The following ERMP1 variants were observed in gnomAD, a reference collection of about 807,000 sequenced individuals.
ERMP1 encodes the protein endoplasmic reticulum metallopeptidase 1, also known as Felix-ina.
ERMP1 carries 86 observed loss-of-function variants against 92.0 expected under a neutral mutation model. The ratio of observed to expected loss-of-function variants is 0.93; its 90% CI spans 0.79 to 1.12. The LOEUF is 1.12. Ranked by LOEUF, ERMP1 falls within the 50% of genes most tolerant of loss-of-function variation. ERMP1 has a pLI of 0.00. For missense variants in ERMP1, 1,342 were observed against 1,116.3 expected, an observed-to-expected ratio of 1.20 and a Z score of -2.88; for synonymous variants, 530 against 412.8, an observed-to-expected ratio of 1.28 and a Z score of -3.44.
intron 8 of ERMP1, among the ~76,000 whole-genome samples, chr9:5,809,292 T>C (rs917793626): frequency 6.6e-6 from 1 of 152,150 alleles, no homozygotes; most frequent in East Asian, 1.9e-4. Context: ...AGTGCTGGGA[T>C]TACAGGCGTG....
intron 10 of ERMP1, among the ~76,000 whole-genome samples, chr9:5,804,739 C>T (rs1377367154): frequency 2.6e-5 from 4 of 152,034 alleles, no homozygotes; most frequent in African/African-American, 4.8e-5. Context: ...ACTTGGTAAA[C>T]GCTCTACAAA....
At chr9:5,835,080 C>T (rs965011751), upstream of ERMP1, among the ~76,000 whole-genome samples, 13 of 150,786 alleles carry the variant, frequency 8.6e-5, no homozygotes, top group African/African-American at 2.4e-4. Context: ...TTTTCCTTCT[C>T]ATGAAATCCT....
Position 5,848,367 on chromosome 9 carries a change from G to A in ERMP1, n.3199+11101C>T, listed in dbSNP as rs150260280. ...TCCTGCAGCTGGAAAAAGCAGGGAC[G>A]TGGATCTGCGCCTAGAACCCTCAGA... On this transcript the variant is annotated intron_variant and non_coding_transcript_variant, in intron 6 of 6. Coordinates refer to the ERMP1 transcript ENST00000690753. Among the ~76,000 whole-genome samples, 188 of 152,264 alleles carry A rather than the reference G, an allele frequency of 1.2e-3. 1 individual carries two copies. Among genetic ancestry groups the A allele is most frequent in the African/African-American group, 4.4e-3 (184 of 41,556 alleles).
intron 13 of ERMP1, among the ~76,000 whole-genome samples, chr9:5,795,597 G>A (rs753702569): frequency 7.9e-5 from 12 of 152,104 alleles, no homozygotes; most frequent in Admixed American, 7.2e-4. Flanking sequence ...GGCCAACGTG[G>A]TGAAACCCTG....
At chr9:5,791,025 TAAA>T (rs1004767631) in intron 13 of ERMP1, among the ~76,000 whole-genome samples, 3 of 152,214 alleles carry the variant, frequency 2.0e-5, no homozygotes, top group African/African-American at 7.2e-5. Flanking sequence ...AAGTGATATT[TAAA>T]AATACTTTTC....
chr9:5,855,557 G>A (rs917482198), intron 6 of ERMP1, among the ~76,000 whole-genome samples: 10 of 152,248 alleles, frequency 6.6e-5, no homozygotes, highest in Admixed American at 5.2e-4. Context: ...AATCCAGCCT[G>A]AGTTGCTTTC....
intron 2 of ERMP1, among the ~76,000 whole-genome samples, chr9:5,828,709 A>G (rs909021655): frequency 2.0e-5 from 3 of 152,148 alleles, no homozygotes; most frequent in Non-Finnish European, 4.4e-5. Context: ...ATAAACTTCT[A>G]TTTGGTTTTT....
chr9:5,844,576 A>G (rs1830211569), intron 6 of ERMP1, among the ~76,000 whole-genome samples: 1 of 152,178 alleles, frequency 6.6e-6, no homozygotes, highest in African/African-American at 2.4e-5. Flanking sequence ...GCCTGGCCCT[A>G]GCAGAGAAGA....
At chr9:5,849,938 A>G (rs1830285493) in intron 6 of ERMP1, among the ~76,000 whole-genome samples, 1 of 152,200 alleles carries the variant, frequency 6.6e-6, no homozygotes, top group Non-Finnish European at 1.5e-5. Flanking sequence ...CAGACTCGAA[A>G]TTAATGAACA....
intron 8 of ERMP1, 54 bp from the exon 9 acceptor site, chr9:5,805,839 G>A: frequency 1.5e-6 from 2 of 1,366,812 alleles, no homozygotes; most frequent in Non-Finnish European, 2.0e-6. Context: ...TGCATAAAGA[G>A]CTTTTATTAT....
intron 1 of ERMP1, among the ~76,000 whole-genome samples, chr9:5,831,874 C>T (rs947080866): frequency 1.3e-5 from 2 of 152,188 alleles, no homozygotes; most frequent in African/African-American, 4.8e-5. Flanking sequence ...TGTCTTTTCA[C>T]TGCATTCCAA....
chr9:5,830,746 G>C lies in ERMP1; in HGVS notation c.621C>G (p.Asp207Glu), dbSNP rs1829907153. The stretch of plus-strand genomic sequence containing the variant: ...ACATACCTGGTGAGTTTGCTACTGA[G>C]TCAAAATGACAATTAGCCAAGACAG... Reference protein sequence around the residue: ...QHAVLANCHFDSVANSPGASD... With the variant: ...QHAVLANCHFESVANSPGASD... Residue 207 changes from aspartate (D) to glutamate (E), a missense_variant, in exon 2 of 15, where the codon GAC becomes GAG. Transcript: ENST00000339450. The C allele has an allele frequency of 3.7e-6, 6 of 1,612,720 alleles. No homozygotes were observed. Among genetic ancestry groups the C allele is most frequent in the Non-Finnish European group, 5.1e-6 (6 of 1,179,112 alleles).
In ERMP1 at chr9:5,823,549, T is replaced by C. The variant is rs185910377; in HGVS notation, c.874+347A>G. ...CTAGGTTCAAATCACACTCTGCCAT[T>C]AAACAACTGTGAAACCTTAGGCAAG... On this transcript the variant is annotated intron_variant, in intron 4 of 14. Coordinates refer to ENST00000339450, the MANE Select transcript of ERMP1 (RefSeq NM_024896.3). Among the ~76,000 whole-genome samples, 89 of 152,336 alleles carry C rather than the reference T, an allele frequency of 5.8e-4. No individual in the cohort carries two copies. In the East Asian group the frequency reaches 0.012, roughly 20 times the overall value.
chr9:5,793,688 T>C (rs1469488733), intron 13 of ERMP1, among the ~76,000 whole-genome samples: 1 of 152,066 alleles, frequency 6.6e-6, no homozygotes, highest in African/African-American at 2.4e-5. Flanking sequence ...CAAGGAAAAT[T>C]AGCAGCGATA....
At chr9:5,803,084 C>CT (rs750025055) in intron 10 of ERMP1, among the ~76,000 whole-genome samples, 4 of 152,112 alleles carry the variant, frequency 2.6e-5, no homozygotes, top group Non-Finnish European at 4.4e-5. Flanking sequence ...CTTGACAAGA[C>CT]TTTAATTGCT....
In ERMP1 at chr9:5,863,140, G is replaced by A. The variant is rs564517138; in HGVS notation, n.3056-3529C>T. On this transcript the variant is annotated intron_variant and non_coding_transcript_variant, in intron 5 of 6. Transcript: ENST00000690753. ...TTCATAGGGAAAGGACAAAGACCCT[G>A]CTATCTTAGGCTAGTACTGCCAGTT... Among the ~76,000 whole-genome samples the A allele has an allele frequency of 6.1e-4, 93 of 152,276 alleles. 1 individual carries two copies. The highest frequency in any genetic ancestry group is 2.2e-3 in the African/African-American group (91 of 41,550).
intron 6 of ERMP1, among the ~76,000 whole-genome samples, chr9:5,850,850 C>T (rs1830300621): frequency 2.0e-5 from 3 of 152,182 alleles, no homozygotes; most frequent in African/African-American, 7.2e-5. Context: ...AGCCTTCTGG[C>T]CATGTCCTAG....
chr9:5,861,440 AT>A (rs1235969669), intron 5 of ERMP1, among the ~76,000 whole-genome samples: 2 of 152,106 alleles, frequency 1.3e-5, no homozygotes, highest in Non-Finnish European at 2.9e-5. Context: ...TTATTGAGGT[AT>A]TCAGTACCAC....
At chr9:5,789,761 G>T (rs906822754) in intron 13 of ERMP1, among the ~76,000 whole-genome samples, 1 of 152,124 alleles carries the variant, frequency 6.6e-6, no homozygotes, top group African/African-American at 2.4e-5. Context: ...ACAGCCCACT[G>T]CAGCCTTGAC....
Sources: allele counts gnomAD v4.1 joint callset (sites outside exome capture counted in the v4.1 genomes callset), GRCh38; gene constraint gnomAD v4.1.1; transcripts MANE v1.5; gene names NCBI Gene and HGNC (gene_info 2026-07-23, HGNC 2026-07-21).